Variants in OR1J2 observed in about 807,000 individuals in gnomAD.
OR1J2 encodes the protein olfactory receptor 1J2.
For missense variants in OR1J2, 304 were observed against 246.1 expected, an observed-to-expected ratio of 1.24 and a Z score of -1.57; for synonymous variants, 142 against 99.7, an observed-to-expected ratio of 1.42 and a Z score of -2.52.
the OR1J2 span, among the ~76,000 whole-genome samples, chr9:122,450,363 G>A: frequency 6.6e-6 from 1 of 152,152 alleles, no homozygotes; most frequent in Non-Finnish European, 1.5e-5. Flanking sequence ...CCTGGAAGGT[G>A]GAGGTTGCAG....
chr9:122,478,781 TG>T, the OR1J2 span, among the ~76,000 whole-genome samples: 1 of 151,952 alleles, frequency 6.6e-6, no homozygotes, highest in Non-Finnish European at 1.5e-5. Flanking sequence ...GATCTTTTTT[TG>T]TTTGTTTGTT....
At chr9:122,462,396 A>G in the OR1J2 span, among the ~76,000 whole-genome samples, 74 of 152,280 alleles carry the variant, frequency 4.9e-4, 2 homozygotes, top group East Asian at 0.012. Flanking sequence ...TTTAAGTGGA[A>G]CATTTAGACT....
At chr9:122,521,783 C>T in the OR1J2 span, among the ~76,000 whole-genome samples, 1,883 of 152,274 alleles carry the variant, frequency 0.012, 36 homozygotes, top group African/African-American at 0.043. Flanking sequence ...GTTTCCCTGC[C>T]GGCACCCCAG....
At chr9:122,532,496 T>C in the OR1J2 span, among the ~76,000 whole-genome samples, 1 of 150,934 alleles carries the variant, frequency 6.6e-6, no homozygotes, top group Non-Finnish European at 1.5e-5. Flanking sequence ...TCAGATGTGG[T>C]ATCAGGAATA....
the OR1J2 span, chr9:122,477,122 C>A: frequency 6.2e-7 from 1 of 1,613,912 alleles, no homozygotes; most frequent in Non-Finnish European, 8.5e-7. Flanking sequence ...ATGTTCTTGT[C>A]ATTGGTGTTG....
At chr9:122,506,941 T>C (rs954469387), upstream of OR1J2, among the ~76,000 whole-genome samples, 3 of 152,088 alleles carry the variant, frequency 2.0e-5, no homozygotes, top group Admixed American at 1.3e-4. Context: ...GTTGTTTTGG[T>C]GTTTAAATCA....
chr9:122,512,371 T>G (rs1156491262), downstream of OR1J2, among the ~76,000 whole-genome samples: 1 of 152,196 alleles, frequency 6.6e-6, no homozygotes, highest in East Asian at 1.9e-4. Context: ...CTCAGATTCC[T>G]TTGATCTACC....
the OR1J2 span, among the ~76,000 whole-genome samples, chr9:122,473,333 C>G: frequency 6.6e-6 from 1 of 152,192 alleles, no homozygotes; most frequent in Non-Finnish European, 1.5e-5. Flanking sequence ...GTCTCATCTA[C>G]TCAAAACAAT....
At chr9:122,516,871 G>A in the OR1J2 span, among the ~76,000 whole-genome samples, 8 of 152,222 alleles carry the variant, frequency 5.3e-5, no homozygotes, top group East Asian at 3.9e-4. Context: ...GCTGTTTCTG[G>A]CCTTTGCCTG....
the OR1J2 span, among the ~76,000 whole-genome samples, chr9:122,544,415 CTT>C: frequency 0.12 from 10,016 of 86,288 alleles, 463 homozygotes; most frequent in African/African-American, 0.21. Flanking sequence ...CCTCTTTTTT[CTT>C]TTTTTTTTTT....
the OR1J2 span, among the ~76,000 whole-genome samples, chr9:122,491,409 G>A: frequency 6.6e-6 from 1 of 151,844 alleles, no homozygotes. Context: ...TGAGGAAAAA[G>A]AAGAAGGAGG....
chr9:122,451,713 T>A, the OR1J2 span, among the ~76,000 whole-genome samples: 1 of 152,182 alleles, frequency 6.6e-6, no homozygotes, highest in South Asian at 2.1e-4. Context: ...GATTAGACAA[T>A]GTTCAGGACA....
chr9:122,568,934 G>T, the OR1J2 span, among the ~76,000 whole-genome samples: 1 of 152,188 alleles, frequency 6.6e-6, no homozygotes, highest in Admixed American at 6.5e-5. Flanking sequence ...AATAGTATTA[G>T]AAGATGGAGG....
At chr9:122,567,583 G>A in the OR1J2 span, 1 of 1,605,260 alleles carries the variant, frequency 6.2e-7, no homozygotes, top group Admixed American at 1.7e-5. Context: ...CTCAGGCCCT[G>A]TTTCAGGTCT....
the OR1J2 span, among the ~76,000 whole-genome samples, chr9:122,468,151 T>C: frequency 6.6e-6 from 1 of 152,182 alleles, no homozygotes; most frequent in Non-Finnish European, 1.5e-5. Flanking sequence ...AAAAAGACAG[T>C]GTATACCTAT....
chr9:122,568,801 T>C, the OR1J2 span: 1 of 219,174 alleles, frequency 4.6e-6, no homozygotes, highest in East Asian at 1.0e-4. Flanking sequence ...GCCGGGGACA[T>C]AGCAATAGAG....
At chr9:122,564,815 C>CAGT in the OR1J2 span, among the ~76,000 whole-genome samples, 1 of 152,230 alleles carries the variant, frequency 6.6e-6, no homozygotes, top group African/African-American at 2.4e-5. Context: ...GCAGGGCCAG[C>CAGT]AGTACACCTT....
the OR1J2 span, among the ~76,000 whole-genome samples, chr9:122,572,260 GAC>G: frequency 6.6e-6 from 1 of 152,174 alleles, no homozygotes; most frequent in Non-Finnish European, 1.5e-5. Context: ...TTTGGGCGGG[GAC>G]ACAGATCCAA....
chr9:122,527,613 AG>A, the OR1J2 span, among the ~76,000 whole-genome samples: 1 of 152,144 alleles, frequency 6.6e-6, no homozygotes, highest in African/African-American at 2.4e-5. Flanking sequence ...TGTCTATGTG[AG>A]TAGACTGAGG....
Sources: gnomAD v4.1 joint callset for allele counts (sites outside exome capture counted in the v4.1 genomes callset) on GRCh38, gnomAD v4.1.1 for gene constraint, MANE v1.5 for transcripts, NCBI Gene and HGNC (gene_info 2026-07-23, HGNC 2026-07-21) for gene names.